ZFHX3: variants seen among roughly 807,000 people sequenced by gnomAD.
ZFHX3 encodes the protein zinc finger homeobox protein 3.
ZFHX3 carries 42 observed loss-of-function variants against 279.1 expected under a neutral mutation model. That is an observed-to-expected ratio of 0.15 (90% CI 0.12 to 0.19). The LOEUF is 0.19. Ranked by LOEUF, ZFHX3 falls within the 10% of genes least tolerant of loss-of-function variation. The probability of loss-of-function intolerance (pLI) is 1.00; values close to 1 mark genes in which losing one functional copy is unlikely to be tolerated. For synonymous variants in ZFHX3, 2,293 were observed against 1,957.8 expected, an observed-to-expected ratio of 1.17 and a Z score of -4.52; for missense variants, 4,981 against 4,754.0, an observed-to-expected ratio of 1.05 and a Z score of -1.40.
chr16:73,825,872 C>T (rs1249739694), intron 1 of ZFHX3, among the ~76,000 whole-genome samples: 1 of 101,716 alleles, frequency 9.8e-6, no homozygotes, highest in East Asian at 2.5e-4. Flanking sequence ...TTAGGATTGA[C>T]TGGGCGATGC....
intron 4 of ZFHX3, among the ~76,000 whole-genome samples, chr16:73,298,159 C>G (rs1174688386): frequency 2.6e-5 from 4 of 151,500 alleles, no homozygotes; most frequent in Non-Finnish European, 5.9e-5. Flanking sequence ...TCACTGTATT[C>G]CAGCCTGAGT....
intron 3 of ZFHX3, among the ~76,000 whole-genome samples, chr16:72,896,043 G>A (rs146482542): frequency 4.9e-4 from 75 of 152,308 alleles, no homozygotes; most frequent in Non-Finnish European, 8.2e-4. Flanking sequence ...ATGAAGGAAG[G>A]AAGTATCTAG....
chr16:73,441,454 C>T, intron 3 of ZFHX3, among the ~76,000 whole-genome samples: 1 of 152,264 alleles, frequency 6.6e-6, no homozygotes, highest in East Asian at 1.9e-4. Context: ...TAAAAGAGCC[C>T]ATCCAGCCAA....
At chr16:72,921,401 A>G (rs943115959) in intron 3 of ZFHX3, among the ~76,000 whole-genome samples, 1 of 152,230 alleles carries the variant, frequency 6.6e-6, no homozygotes. Flanking sequence ...AGACACGACT[A>G]TCGCTCAGCA....
rs370996991 is a variant in ZFHX3, at chr16:73,278,488, A to C, written c.-1193-21352T>G. 1.1e-3 allele frequency among the ~76,000 whole-genome samples: 169 copies of C among 152,318 alleles called. 4 individuals carry two copies. In the South Asian group the frequency reaches 0.033, roughly 30 times the overall value. On this transcript the variant is annotated intron_variant, in intron 4 of 17. Transcript: ENST00000641206. ...AAGGTGAGTGTCAACAGCTCTAAAG[A>C]TGGCACAGACCCAAAGAGTGAGCAG...
Position 73,181,146 on chromosome 16 carries a change from G to A in ZFHX3, c.-1103-37315C>T, listed in dbSNP as rs1222829118. 6.6e-5 allele frequency among the ~76,000 whole-genome samples: 10 copies of A among 151,764 alleles called. No individual in the cohort carries two copies. The South Asian group carries it at 1.9e-3, about 28-fold the overall frequency. The stretch of plus-strand genomic sequence containing the variant: ...AGATGGAGTCTTGCTCTGTTGCCAG[G>A]CTGGAGTGCAGTGGTATAATCTCGG... On this transcript the variant is annotated intron_variant, in intron 5 of 17. Transcript: ENST00000641206.
intron 3 of ZFHX3, among the ~76,000 whole-genome samples, chr16:73,432,005 G>T (rs1420255305): frequency 3.3e-5 from 5 of 152,160 alleles, no homozygotes; most frequent in African/African-American, 1.2e-4. Flanking sequence ...ATACCAAGAG[G>T]TTCTTCAGAA....
intron 7 of ZFHX3, among the ~76,000 whole-genome samples, chr16:73,109,193 T>C (rs1269763898): frequency 6.6e-6 from 1 of 152,216 alleles, no homozygotes; most frequent in Non-Finnish European, 1.5e-5. Flanking sequence ...CACATTCAAA[T>C]GTGAGTGAGT....
At chr16:73,824,381 CTT>C (rs770822715) in intron 1 of ZFHX3, among the ~76,000 whole-genome samples, 38,177 of 111,978 alleles carry the variant, frequency 0.34, 5,568 homozygotes, top group Non-Finnish European at 0.43. Flanking sequence ...CAAATAATTT[CTT>C]TTTTTTTTTT....
intron 3 of ZFHX3, among the ~76,000 whole-genome samples, chr16:72,898,137 G>A (rs936488145): frequency 6.6e-6 from 1 of 152,146 alleles, no homozygotes; most frequent in Non-Finnish European, 1.5e-5. Flanking sequence ...AAATATATAT[G>A]TATATTCTGT....
chr16:73,450,811 A>AG (rs1472137418), intron 3 of ZFHX3, among the ~76,000 whole-genome samples: 3 of 152,184 alleles, frequency 2.0e-5, no homozygotes, highest in East Asian at 1.9e-4. Context: ...TCTTTCTTAC[A>AG]GGGGGAGTCT....
intron 3 of ZFHX3, chr16:73,388,865 G>C (rs904918310): frequency 6.6e-6 from 1 of 152,250 alleles, no homozygotes; most frequent in Non-Finnish European, 1.5e-5. Context: ...CAGAATTTCA[G>C]ACACTGTGAA....
intron 2 of ZFHX3, among the ~76,000 whole-genome samples, chr16:73,597,817 T>C (rs1328229293): frequency 6.6e-6 from 1 of 152,230 alleles, no homozygotes; most frequent in African/African-American, 2.4e-5. Context: ...TTAAATCACA[T>C]AGTTCATGCT....
chr16:73,787,113 T>C (rs1456364917), intron 1 of ZFHX3, among the ~76,000 whole-genome samples: 1 of 152,208 alleles, frequency 6.6e-6, no homozygotes, highest in Non-Finnish European at 1.5e-5. Flanking sequence ...TTAGTAAGGC[T>C]TTGGGAGAGG....
chr16:73,843,498 C>T (rs1196008805), intron 1 of ZFHX3, among the ~76,000 whole-genome samples: 3 of 152,176 alleles, frequency 2.0e-5, no homozygotes, highest in East Asian at 1.9e-4. Context: ...GGTCTTACAG[C>T]GGTGTAGAGA....
chr16:73,198,111 G>C (rs1429071776), intron 5 of ZFHX3, among the ~76,000 whole-genome samples: 1 of 151,420 alleles, frequency 6.6e-6, no homozygotes, highest in Non-Finnish European at 1.5e-5. Context: ...CTAATTTTTT[G>C]TATTTTTAGT....
In ZFHX3 at chr16:73,578,294, T is replaced by A. The variant is rs903706158; in HGVS notation, c.-1547+101886A>T. On this transcript the variant is annotated intron_variant, in intron 2 of 17. Transcript: ENST00000641206. ...ATACACATTTAAAAGACTTATGGAA[T>A]CATAGATACATAAAATTTTAGCATT... 4.0e-5 allele frequency among the ~76,000 whole-genome samples: 6 copies of A among 151,758 alleles called. No individual in the cohort carries two copies. In the South Asian group the frequency reaches 1.0e-3, roughly 26 times the overall value.
chr16:73,776,311 C>T (rs1244508335), intron 1 of ZFHX3, among the ~76,000 whole-genome samples: 5 of 152,048 alleles, frequency 3.3e-5, no homozygotes, highest in Admixed American at 6.6e-5. Flanking sequence ...ACAACAACTC[C>T]ACCTTCCCAC....
chr16:73,102,792 T>C (rs34240687), intron 7 of ZFHX3, among the ~76,000 whole-genome samples: 20,165 of 152,204 alleles, frequency 0.13, 1,451 homozygotes, highest in Middle Eastern at 0.21. Flanking sequence ...GAAGTAATAA[T>C]AGTACCTCTC....
Sources: gnomAD v4.1 joint callset for allele counts (sites outside exome capture counted in the v4.1 genomes callset) on GRCh38, gnomAD v4.1.1 for gene constraint, MANE v1.5 for transcripts, NCBI Gene and HGNC (gene_info 2026-07-23, HGNC 2026-07-21) for gene names.